Variants in ARHGAP32 observed in about 807,000 individuals in gnomAD.
The protein encoded by ARHGAP32 is Rho GTPase activating protein 32, also known as rho GTPase-activating protein 32.
In ARHGAP32, 51 loss-of-function variants were observed where a neutral mutation model predicts 186.5. That is an observed-to-expected ratio of 0.27 (90% CI 0.22 to 0.35). The LOEUF (loss-of-function observed/expected upper bound fraction) is 0.35, where lower values mean the gene tolerates loss of function less well. ARHGAP32 is among the 10% of genes least tolerant of loss of function. The pLI is 1.00. For synonymous variants in ARHGAP32, 950 were observed against 964.3 expected (o/e 0.99, Z 0.27); for missense variants, 2,186 against 2,623.5 (o/e 0.83, Z 3.64).
chr11:129,159,294 A>G (rs1399731178), intron 2 of ARHGAP32, among the ~76,000 whole-genome samples: 3 of 152,174 alleles, frequency 2.0e-5, no homozygotes, highest in African/African-American at 7.2e-5. Flanking sequence ...AGCAAAATGG[A>G]TAGACTGCTA....
At chr11:129,119,791 G>A (rs1172411983) in intron 5 of ARHGAP32, among the ~76,000 whole-genome samples, 1 of 152,018 alleles carries the variant, frequency 6.6e-6, no homozygotes, top group Non-Finnish European at 1.5e-5. Context: ...GGCTGTCCTA[G>A]AGGAGCATTT....
At chr11:129,093,751 T>C in intron 5 of ARHGAP32, 44 bp from the exon 6 acceptor site, 5 of 1,366,156 alleles carry the variant, frequency 3.7e-6, no homozygotes, top group Non-Finnish European at 5.1e-6. Context: ...AAAGTCATGA[T>C]TAGTAAACGA....
intron 2 of ARHGAP32, among the ~76,000 whole-genome samples, chr11:129,151,254 A>G (rs1179799761): frequency 6.6e-6 from 1 of 152,196 alleles, no homozygotes; most frequent in African/African-American, 2.4e-5. Flanking sequence ...GACCTAAGAA[A>G]TGAGATAGAT....
At position 128,971,167 on chromosome 11, in the gene ARHGAP32, A is replaced by G. The variant is rs899756000; in HGVS notation, c.4054-8T>C. The G allele has an allele frequency of 1.0e-5, 16 of 1,599,268 alleles. No homozygotes were observed. The African/African-American group carries it at 1.7e-4, about 17-fold the overall frequency. On this transcript the variant is annotated splice_region_variant and splice_polypyrimidine_tract_variant and intron_variant, in intron 22 of 22. Transcript: ENST00000682385. The stretch of plus-strand genomic sequence containing the variant: ...TGGAACTACTCCTTGAACCTATTGA[A>G]AGATGATAATACTATGGGTCTATTT...
intron 1 of ARHGAP32, among the ~76,000 whole-genome samples, chr11:129,205,081 C>T (rs372490607): frequency 5.9e-5 from 9 of 152,020 alleles, no homozygotes; most frequent in East Asian, 1.9e-4. Flanking sequence ...TTAATATATG[C>T]AGCTCTTTAA....
intron 1 of ARHGAP32, among the ~76,000 whole-genome samples, chr11:129,166,210 A>G (rs1347573583): frequency 6.6e-6 from 1 of 152,118 alleles, no homozygotes; most frequent in African/African-American, 2.4e-5. Context: ...AGAGAAAAAA[A>G]GGAACAGAAA....
chr11:129,114,309 T>C (rs1189188064), intron 5 of ARHGAP32, among the ~76,000 whole-genome samples: 2 of 152,156 alleles, frequency 1.3e-5, no homozygotes, highest in Non-Finnish European at 2.9e-5. Flanking sequence ...CCAAATTCTA[T>C]TCAATCTTCA....
intron 1 of ARHGAP32, among the ~76,000 whole-genome samples, chr11:129,170,660 T>C (rs966727837): frequency 1.3e-5 from 2 of 152,214 alleles, no homozygotes; most frequent in South Asian, 4.1e-4. Context: ...AGTGCCTTTA[T>C]AGTAGAATGA....
chr11:129,110,473 G>GA (rs1428118216), intron 5 of ARHGAP32, among the ~76,000 whole-genome samples: 4 of 152,088 alleles, frequency 2.6e-5, no homozygotes, highest in Non-Finnish European at 5.9e-5. Context: ...CTATTTATGT[G>GA]AAAAATGGCA....
chr11:129,149,267 C>T (rs1943238869), intron 2 of ARHGAP32, among the ~76,000 whole-genome samples: 1 of 152,220 alleles, frequency 6.6e-6, no homozygotes, highest in Non-Finnish European at 1.5e-5. Context: ...CTGCCCACAA[C>T]ATCCTGGCTA....
Position 128,974,193 on chromosome 11 carries a change from G to A in ARHGAP32, c.3004C>T (p.Pro1002Ser). ...GAGACAGACTGATCCTCTTTCCCTGGCAATTCTACTTCTTCAGCAGCCACC... is the reference window on the plus strand; with the variant it reads ...GAGACAGACTGATCCTCTTTCCCTGACAATTCTACTTCTTCAGCAGCCACC... ...DQVAAEEVEL[P>S]GKEDQSVSSS... The change falls in exon 21 of 23, where the codon CCA (proline) becomes TCA (serine). Residue 1002 changes from proline to serine, a missense_variant. This residue lies in a region of ARHGAP32 where 1,502 missense variants were observed against 1,570.0 expected (regional missense o/e 0.96). Coordinates refer to ENST00000682385, the MANE Select transcript of ARHGAP32 (RefSeq NM_001378024.1). 6.2e-7 allele frequency: 1 copy of A among 1,614,148 alleles called. No individual in the cohort carries two copies. Among genetic ancestry groups the A allele is most frequent in the South Asian group, 1.1e-5 (1 of 91,074 alleles).
intron 1 of ARHGAP32, among the ~76,000 whole-genome samples, chr11:129,218,185 A>G (rs895494724): frequency 6.6e-6 from 1 of 152,228 alleles, no homozygotes; most frequent in Non-Finnish European, 1.5e-5. Flanking sequence ...ATACTGTGAA[A>G]TATTAAATAC....
chr11:129,083,784 A>G (rs545819743), intron 6 of ARHGAP32, among the ~76,000 whole-genome samples: 404 of 152,290 alleles, frequency 2.7e-3, no homozygotes, highest in African/African-American at 9.2e-3. Context: ...AAAGAAGAGC[A>G]AATTAAATCC....
At chr11:129,033,020 A>C (rs1359526649) in intron 11 of ARHGAP32, among the ~76,000 whole-genome samples, 1 of 152,218 alleles carries the variant, frequency 6.6e-6, no homozygotes, top group Non-Finnish European at 1.5e-5. Flanking sequence ...AACTCTCTAC[A>C]TGTATACATG....
chr11:129,040,268 A>G (rs555174913), intron 11 of ARHGAP32, among the ~76,000 whole-genome samples: 1 of 152,236 alleles, frequency 6.6e-6, no homozygotes, highest in Non-Finnish European at 1.5e-5. Context: ...AATGTAATAT[A>G]GCTAGGAAAA....
chr11:129,046,708 G>C (rs1939821540), intron 10 of ARHGAP32, among the ~76,000 whole-genome samples: 1 of 152,132 alleles, frequency 6.6e-6, no homozygotes, highest in South Asian at 2.1e-4. Flanking sequence ...AATAAGCCTG[G>C]AGCTTTGGAA....
At chr11:128,991,824 T>C (rs191685425) in intron 12 of ARHGAP32, among the ~76,000 whole-genome samples, 14 of 152,344 alleles carry the variant, frequency 9.2e-5, no homozygotes, top group Middle Eastern at 3.4e-3. Context: ...GATTAGAATA[T>C]GGCTAAAAGA....
At chr11:129,056,212 AC>A (rs1239173463) in intron 10 of ARHGAP32, among the ~76,000 whole-genome samples, 4 of 152,214 alleles carry the variant, frequency 2.6e-5, no homozygotes, top group Non-Finnish European at 5.9e-5. Context: ...CAGGGGTATT[AC>A]ATGAAACTCT....
At chr11:129,257,053 A>G (rs893841509) in intron 1 of ARHGAP32, among the ~76,000 whole-genome samples, 2 of 152,174 alleles carry the variant, frequency 1.3e-5, no homozygotes, top group African/African-American at 4.8e-5. Context: ...ACTAGATCAC[A>G]TGGCTACCTC....
Sources: gnomAD v4.1 joint callset for allele counts (sites outside exome capture counted in the v4.1 genomes callset) on GRCh38, gnomAD v4.1.1 for gene constraint, gnomAD v4.1.1 regional missense constraint, MANE v1.5 for transcripts, NCBI Gene and HGNC (gene_info 2026-07-23, HGNC 2026-07-21) for gene names.